The following TSC2 variants were observed in gnomAD, a reference collection of about 807,000 sequenced individuals.
TSC2 encodes tuberin.
A neutral mutation model predicts 202.2 loss-of-function variants in TSC2; 29 were observed. The ratio of observed to expected loss-of-function variants is 0.14; its 90% CI spans 0.11 to 0.20. The LOEUF (loss-of-function observed/expected upper bound fraction) is 0.20, where lower values mean the gene tolerates loss of function less well. Ranked by LOEUF, TSC2 falls within the 10% of genes least tolerant of loss-of-function variation. The probability of loss-of-function intolerance (pLI) is 1.00; values close to 1 mark genes in which losing one functional copy is unlikely to be tolerated. For missense variants in TSC2, 2,429 were observed against 2,420.0 expected, an observed-to-expected ratio of 1.00 and a Z score of -0.08; for synonymous variants, 1,349 against 1,044.0, an observed-to-expected ratio of 1.29 and a Z score of -5.63.
rs763444311 is a variant in TSC2, at chr16:2,085,341, C to T, written c.4662+19C>T. The T allele has an allele frequency of 3.1e-6, 5 of 1,612,208 alleles. No individual in the cohort carries two copies. Among genetic ancestry groups the T allele is most frequent in the Non-Finnish European group, 4.2e-6 (5 of 1,179,746 alleles). The stretch of plus-strand genomic sequence containing the variant: ...AGGCCAGGTGAGGCTGCGGGGCCGG[C>T]CTAGGTGCCTGGACAGGGCCAGCTG... On this transcript the variant is annotated intron_variant, in intron 36 of 41. Coordinates refer to ENST00000219476, the MANE Select transcript of TSC2 (RefSeq NM_000548.5).
chr16:2,072,058 GCCTTCCCCCTTCC>G, intron 19 of TSC2, 124 bp downstream of exon 19: 1 of 1,481,292 alleles, frequency 6.8e-7, no homozygotes, highest in South Asian at 1.3e-5. Flanking sequence ...TCAGAGCTGA[GCCTTCCCCCTTCC>G]CCGAGCAGCT....
chr16:2,081,773 C>A lies in TSC2; in HGVS notation c.3789C>A (p.Pro1263=). 1 of 1,612,596 alleles carries A rather than the reference C, an allele frequency of 6.2e-7. No homozygotes were observed. The highest frequency in any genetic ancestry group is 8.5e-7 in the Non-Finnish European group (1 of 1,179,986). ...TGCCGGCAGCCAGCACGGCCAAACC[C>A]CCTCCTCTGCCTCGCTCCAACACAG... ...LSVPAASTAK[P]PPLPRSNTVA... Residue 1263 remains proline (P), a synonymous_variant, in exon 31 of 42, where the codon CCC becomes CCA. Transcript: ENST00000219476.
intron 26 of TSC2, chr16:2,078,712 T>C: frequency 2.3e-6 from 1 of 429,938 alleles, no homozygotes; most frequent in South Asian, 2.1e-5. Context: ...CCTCCGCCTC[T>C]CTGCATGACT....
chr16:2,078,902 C>T (rs1344998020), intron 26 of TSC2, 130 bp from the exon 27 acceptor site: 6 of 1,260,122 alleles, frequency 4.8e-6, no homozygotes, highest in Non-Finnish European at 6.9e-6. Context: ...CGCTGGGCCG[C>T]CCACGCCCTG....
Position 2,079,033 on chromosome 16 carries a change from A to T in TSC2, c.2968A>T (p.Arg990Trp), listed in dbSNP as rs753730009. The T allele has an allele frequency of 6.2e-7, 1 of 1,612,668 alleles. No homozygotes were observed. Among genetic ancestry groups the T allele is most frequent in the Admixed American group, 1.7e-5 (1 of 60,016 alleles). Residue 990 changes from arginine (R) to tryptophan (W), a missense_variant and splice_region_variant, in exon 27 of 42, where the codon AGG becomes TGG. Physicochemically the swap from Arg to Trp is moderately radical, Grantham distance 101 (BLOSUM62 -3). Transcript: ENST00000219476. The surrounding 1 kb of genome is among the most constrained non-coding windows in gnomAD (Gnocchi z 4.6). ...ISVSEHVVRSRIQTSLTSASL... is the reference protein window; with the variant it reads ...ISVSEHVVRSWIQTSLTSASL... ...CCTGGTCACGGCCTCTCCCTCCAGC[A>T]GGATACAGACGTCCCTCACCAGTGC...
chr16:2,063,034 T>C lies in TSC2; in HGVS notation c.1424T>C (p.Ile475Thr). The C allele has an allele frequency of 1.3e-6, 2 of 1,551,516 alleles. No homozygotes were observed. Among genetic ancestry groups the C allele is most frequent in the Middle Eastern group, 1.7e-4 (1 of 5,984 alleles). ...GACGTGCTGTCCTTTGTGCTGCTCA[T>C]CAACAGGCAGTTCTATGAGGTGCGT... ...VLDVLSFVLL[I>T]NRQFYEEELI... The change falls in exon 14 of 42, where the codon ATC becomes ACC. Residue 475 changes from isoleucine to threonine, a missense_variant. Ile to Thr is a moderately conservative substitution (Grantham distance 89). Coordinates refer to ENST00000219476, the MANE Select transcript of TSC2 (RefSeq NM_000548.5).
Position 2,048,010 on chromosome 16 carries a change from G to T in TSC2, c.-85G>T, listed in dbSNP as rs540716235. ...GCTTCCGGCGGCGTCCCGGGGCCAGGGGGGTGCGCCTTTCTCCGCGTCGGG... is the reference window on the plus strand; with the variant it reads ...GCTTCCGGCGGCGTCCCGGGGCCAGTGGGGTGCGCCTTTCTCCGCGTCGGG... On this transcript the variant is annotated 5_prime_UTR_variant, in exon 1 of 42. Transcript: ENST00000219476. The T allele has an allele frequency of 3.3e-5, 48 of 1,476,192 alleles. No homozygotes were observed. The highest frequency in any genetic ancestry group is 1.8e-4 in the Middle Eastern group (1 of 5,610). The allele number at this position is 1,476,192 out of a possible 1,614,324, so 91.4% of individuals were successfully genotyped here.
chr16:2,076,643 G>A (rs1274861303), intron 25 of TSC2, 58 bp downstream of exon 25: 2 of 1,572,708 alleles, frequency 1.3e-6, no homozygotes, highest in Non-Finnish European at 1.7e-6. Flanking sequence ...ACATGGGGCT[G>A]TGGCCTGCCT....
intron 16 of TSC2, among the ~76,000 whole-genome samples, chr16:2,069,656 G>A (rs907667967): frequency 6.6e-6 from 1 of 151,942 alleles, no homozygotes; most frequent in African/African-American, 2.4e-5. Flanking sequence ...ATTTTTTTGT[G>A]TTTTTAGTAG....
At chr16:2,070,397 T>C in intron 16 of TSC2, 59 bp from the exon 17 acceptor site, 2 of 1,612,950 alleles carry the variant, frequency 1.2e-6, no homozygotes, top group South Asian at 1.1e-5. Context: ...ACAAGGGTGC[T>C]GTCTTAGGAC....
Position 2,084,168 on chromosome 16 carries a change from C to A in TSC2, c.4006-60C>A, listed in dbSNP as rs376519405. The stretch of plus-strand genomic sequence containing the variant: ...TAGGGCCTCACCACCTCCAGGTCAA[C>A]CCCAGGTGGGCTCGAGGGTGCCTGC... On this transcript the variant is annotated intron_variant, in intron 33 of 41. Transcript: ENST00000219476. 4.9e-5 allele frequency: 76 copies of A among 1,550,426 alleles called. No individual in the cohort carries two copies. In the African/African-American group the frequency reaches 8.5e-4, roughly 17 times the overall value.
chr16:2,073,733 C>T (rs887116956), intron 21 of TSC2, among the ~76,000 whole-genome samples: 2 of 152,362 alleles, frequency 1.3e-5, no homozygotes, highest in Admixed American at 6.5e-5. Flanking sequence ...TACTGGCCCA[C>T]AGTGTATCCG....
intron 16 of TSC2, among the ~76,000 whole-genome samples, chr16:2,070,199 G>T (rs1024743197): frequency 2.0e-5 from 3 of 152,162 alleles, no homozygotes; most frequent in African/African-American, 7.2e-5. Flanking sequence ...TGTCTGCCAC[G>T]CAGCTGGAGC....
At chr16:2,055,598 AAAAT>A in intron 6 of TSC2, 79 bp downstream of exon 6, 3 of 1,377,920 alleles carry the variant, frequency 2.2e-6, no homozygotes, top group Non-Finnish European at 3.1e-6. Flanking sequence ...AACCACCAAA[AAAAT>A]AGAGGTTGGG....
chr16:2,074,712 G>C (rs1400223393), intron 22 of TSC2: 2 of 434,024 alleles, frequency 4.6e-6, no homozygotes, highest in East Asian at 9.2e-5. Flanking sequence ...GGCTTTGTTC[G>C]CTTCCCCCAG....
chr16:2,060,649 C>T (rs1192037522), intron 10 of TSC2, 21 bp from the exon 11 acceptor site: 1 of 1,613,866 alleles, frequency 6.2e-7, no homozygotes, highest in Non-Finnish European at 8.5e-7. Context: ...ACCCTGTGTG[C>T]TGGCCGGGCT....
At chr16:2,058,636 A>G (rs1164903950) in intron 9 of TSC2, 111 bp from the exon 10 acceptor site, 2 of 1,497,490 alleles carry the variant, frequency 1.3e-6, no homozygotes, top group Non-Finnish European at 1.8e-6. Flanking sequence ...GCCCCCCCCA[A>G]GCACAGGGAC....
Position 2,082,520 on chromosome 16 carries a change from G to T in TSC2, c.3883+16G>T, listed in dbSNP as rs746215819. On this transcript the variant is annotated intron_variant, in intron 32 of 41. Transcript: ENST00000219476. ...TCCTGGGCAGGTATCGCCTCTCAGA[G>T]GGAAGCGGTTGGCTGCAGAGCGCCA... 2 of 1,609,868 alleles carry T rather than the reference G, an allele frequency of 1.2e-6. No individual in the cohort carries two copies. The highest frequency in any genetic ancestry group is 1.3e-5 in the African/African-American group (1 of 74,946).
rs2151435794 is a variant in TSC2, at chr16:2,079,217, C to T, written c.3131+21C>T. On this transcript the variant is annotated intron_variant, in intron 27 of 41. Coordinates refer to ENST00000219476, the MANE Select transcript of TSC2 (RefSeq NM_000548.5). This position sits in a 1 kb window ranked among gnomAD's most constrained non-coding sequence, Gnocchi z 4.6. ...AAGAGGTCCAGGCGGCACTACAGGG[C>T]TGGGCGGGCCTGCGGGAGCTCCACG... 1 of 1,612,904 alleles carries T rather than the reference C, an allele frequency of 6.2e-7. No homozygotes were observed.
Sources: gnomAD v4.1 joint callset for allele counts (sites outside exome capture counted in the v4.1 genomes callset) on GRCh38, gnomAD v4.1.1 for gene constraint, Gnocchi (gnomAD v3.1) non-coding constraint, MANE v1.5 for transcripts, NCBI Gene and HGNC (gene_info 2026-07-23, HGNC 2026-07-21) for gene names.